The following CFTR variants were observed in gnomAD, a reference collection of about 807,000 sequenced individuals.
The protein encoded by CFTR is CF transmembrane conductance regulator.
A neutral mutation model predicts 171.6 loss-of-function variants in CFTR; 181 were observed. That is an observed-to-expected ratio of 1.05 (90% CI 0.93 to 1.19). CFTR has a LOEUF of 1.19. Ranked by LOEUF, CFTR falls within the 50% of genes most tolerant of loss-of-function variation. CFTR has a pLI of 0.00. For missense variants in CFTR, 1,968 were observed against 1,734.7 expected, an observed-to-expected ratio of 1.13 and a Z score of -2.39; for synonymous variants, 583 against 608.0, an observed-to-expected ratio of 0.96 and a Z score of 0.60.
intron 21 of CFTR, among the ~76,000 whole-genome samples, chr7:117,615,997 T>C (rs1792482379): frequency 6.6e-6 from 1 of 152,084 alleles, no homozygotes; most frequent in Non-Finnish European, 1.5e-5. Flanking sequence ...TTCCTTGTTC[T>C]CTGAGACAGT....
chr7:117,595,494 A>G, intron 15 of CFTR, among the ~76,000 whole-genome samples: 1 of 150,760 alleles, frequency 6.6e-6, no homozygotes, highest in East Asian at 1.9e-4. Context: ...CATATTACAT[A>G]TAAAATATAT....
Position 117,665,455 on chromosome 7 carries a change from C to A in CFTR, c.4137-4C>A, listed in dbSNP as rs766178879. 1.9e-6 allele frequency: 3 copies of A among 1,555,536 alleles called. No individual in the cohort carries two copies. The East Asian group carries it at 6.7e-5, about 35-fold the overall frequency. ...TTATGTGTGGTATTTTCTTTCTTTT[C>A]TAGAACATACCAAATAATTAGAAGA... On this transcript the variant is annotated splice_region_variant and splice_polypyrimidine_tract_variant and intron_variant, in intron 25 of 26. Coordinates refer to ENST00000003084, the MANE Select transcript of CFTR (RefSeq NM_000492.4).
At chr7:117,588,849 A>G (rs1791986545) in intron 12 of CFTR, among the ~76,000 whole-genome samples, 1 of 152,144 alleles carries the variant, frequency 6.6e-6, no homozygotes, top group Non-Finnish European at 1.5e-5. Flanking sequence ...GATTCTTTAC[A>G]TTAAACCATG....
rs1380783257 is a variant in CFTR, at chr7:117,606,864, C to T, written c.2988+111C>T. 6 of 750,336 alleles carry T rather than the reference C, an allele frequency of 8.0e-6. No individual in the cohort carries two copies. The African/African-American group carries it at 1.0e-4, about 13-fold the overall frequency. 46.5% of individuals were successfully genotyped at this position (750,336 alleles called of 1,614,324 possible). A position where few individuals can be genotyped will look rare whatever the true frequency, so the allele number is the denominator to read the frequency against. ...ATTTGATTGAGGGTTGAAGTCCTGT[C>T]TATTGCATTAATTTTGTAATTATCC... On this transcript the variant is annotated intron_variant, in intron 18 of 26. Transcript: ENST00000003084.
chr7:117,522,761 T>C (rs974218152), intron 3 of CFTR, among the ~76,000 whole-genome samples: 3 of 152,136 alleles, frequency 2.0e-5, no homozygotes, highest in African/African-American at 7.2e-5. Flanking sequence ...CTCCCAGTCA[T>C]TCTGGGGATA....
intron 15 of CFTR, among the ~76,000 whole-genome samples, chr7:117,600,689 T>C (rs912834756): frequency 1.1e-4 from 17 of 152,132 alleles, no homozygotes; most frequent in African/African-American, 3.6e-4. Context: ...GAAATCTGGG[T>C]ATTAAGCACA....
intron 4 of CFTR, among the ~76,000 whole-genome samples, chr7:117,532,062 T>A (rs899595466): frequency 1.3e-5 from 2 of 151,738 alleles, no homozygotes; most frequent in Non-Finnish European, 2.9e-5. Context: ...AAAAGCCTTT[T>A]ATGAAGGCAG....
At chr7:117,548,170 T>A (rs918659405) in intron 9 of CFTR, among the ~76,000 whole-genome samples, 4 of 151,998 alleles carry the variant, frequency 2.6e-5, no homozygotes, top group Admixed American at 2.6e-4. Context: ...TGTGATGGAG[T>A]AGAATTCAGA....
chr7:117,648,287 CA>C (rs1448908074), intron 23 of CFTR, among the ~76,000 whole-genome samples: 2 of 151,898 alleles, frequency 1.3e-5, no homozygotes, highest in Non-Finnish European at 2.9e-5. Flanking sequence ...CCACACCAGC[CA>C]AACTGCTTTA....
At chr7:117,500,477 A>T (rs1798306707) in intron 1 of CFTR, among the ~76,000 whole-genome samples, 1 of 150,966 alleles carries the variant, frequency 6.6e-6, no homozygotes. Flanking sequence ...TTTAGTAGAG[A>T]TGGGGTTTCT....
chr7:117,544,842 A>G (rs1799113364), intron 9 of CFTR, among the ~76,000 whole-genome samples: 1 of 152,160 alleles, frequency 6.6e-6, no homozygotes, highest in Non-Finnish European at 1.5e-5. Context: ...GCTATCACCA[A>G]TCTATTAAAA....
chr7:117,655,626 C>A (rs1189799706), intron 24 of CFTR, among the ~76,000 whole-genome samples: 5 of 152,188 alleles, frequency 3.3e-5, no homozygotes, highest in Non-Finnish European at 7.3e-5. Flanking sequence ...GAAAACTCTT[C>A]CAGCCTCTAC....
At chr7:117,579,917 C>A (rs1791825958) in intron 11 of CFTR, among the ~76,000 whole-genome samples, 1 of 151,492 alleles carries the variant, frequency 6.6e-6, no homozygotes, top group African/African-American at 2.4e-5. Flanking sequence ...ATAAATTATA[C>A]CTTGATTAAA....
At chr7:117,553,746 A>C (rs1482036480) in intron 10 of CFTR, among the ~76,000 whole-genome samples, 1 of 152,194 alleles carries the variant, frequency 6.6e-6, no homozygotes, top group East Asian at 1.9e-4. Context: ...TCACCAACTC[A>C]TTAGGAAAAT....
Position 117,592,180 on chromosome 7 carries a change from A to G in CFTR, c.2013A>G (p.Leu671=). The G allele has an allele frequency of 6.2e-7, 1 of 1,613,982 alleles. No individual in the cohort carries two copies. Among genetic ancestry groups the G allele is most frequent in the East Asian group, 2.2e-5 (1 of 44,890 alleles). The change falls in exon 14 of 27, where the codon TTA becomes TTG. Residue 671 remains leucine, a synonymous_variant. Transcript: ENST00000003084. ...CTGAGACCTTACACCGTTTCTCATT[A>G]GAAGGAGATGCTCCTGTCTCCTGGA... The part of the protein sequence containing the change: ...ILTETLHRFS[L]EGDAPVSWTE...
intron 1 of CFTR, among the ~76,000 whole-genome samples, chr7:117,490,333 A>C (rs1798139697): frequency 6.6e-6 from 1 of 151,260 alleles, no homozygotes; most frequent in South Asian, 2.1e-4. Flanking sequence ...ACACACACAC[A>C]CACACACACA....
intron 15 of CFTR, among the ~76,000 whole-genome samples, chr7:117,596,190 G>C (rs1254532051): frequency 6.6e-6 from 1 of 152,212 alleles, no homozygotes; most frequent in Non-Finnish European, 1.5e-5. Flanking sequence ...TGCCTTGTGG[G>C]CCAGCGCGAG....
chr7:117,536,059 C>G (rs565508091), intron 6 of CFTR, among the ~76,000 whole-genome samples: 1 of 152,106 alleles, frequency 6.6e-6, no homozygotes, highest in Non-Finnish European at 1.5e-5. Context: ...ATCATCACAC[C>G]AGAGCCTTAG....
intron 24 of CFTR, among the ~76,000 whole-genome samples, chr7:117,656,151 C>A (rs1161368396): frequency 1.3e-5 from 2 of 152,114 alleles, no homozygotes; most frequent in East Asian, 3.9e-4. Flanking sequence ...CTAGGCGACT[C>A]CACTATACTG....
Sources: gnomAD v4.1 joint callset for allele counts (sites outside exome capture counted in the v4.1 genomes callset) on GRCh38, gnomAD v4.1.1 for gene constraint, MANE v1.5 for transcripts, NCBI Gene and HGNC (gene_info 2026-07-23, HGNC 2026-07-21) for gene names.